The following STK39 variants were observed in gnomAD, a reference collection of about 807,000 sequenced individuals.
STK39 encodes the protein serine/threonine kinase 39.
Under a neutral mutation model 77.8 loss-of-function variants are expected in STK39, and 20 were observed. That is an observed-to-expected ratio of 0.26 (90% confidence interval 0.18 to 0.37). The LOEUF (loss-of-function observed/expected upper bound fraction) is 0.37, where lower values mean the gene tolerates loss of function less well. STK39 is among the 10% of genes least tolerant of loss of function. The pLI, the probability that STK39 is intolerant of heterozygous loss-of-function variation, is 1.00. For missense variants in STK39, 479 were observed against 656.5 expected (o/e 0.73, Z 2.95); for synonymous variants, 246 against 234.1 (o/e 1.05, Z -0.47).
At chr2:168,012,830 C>G in intron 15 of STK39, 128 bp from the exon 16 acceptor site, 1 of 602,562 alleles carries the variant, frequency 1.7e-6, no homozygotes, top group South Asian at 4.8e-5. Flanking sequence ...AATTCAGACT[C>G]TATCAGGAGA....
chr2:168,177,613 G>A (rs995464687), intron 2 of STK39, among the ~76,000 whole-genome samples: 8 of 152,176 alleles, frequency 5.3e-5, no homozygotes, highest in African/African-American at 1.9e-4. Context: ...GTCACCTGGT[G>A]ATAGAGGCTG....
chr2:168,117,318 C>T (rs1306294967), intron 10 of STK39, among the ~76,000 whole-genome samples: 2 of 152,180 alleles, frequency 1.3e-5, no homozygotes, highest in Non-Finnish European at 2.9e-5. Flanking sequence ...CCTCCCCTTG[C>T]ACTCTCACAC....
intron 14 of STK39, among the ~76,000 whole-genome samples, chr2:168,062,347 C>T (rs892129662): frequency 1.3e-4 from 20 of 152,190 alleles, no homozygotes; most frequent in South Asian, 8.3e-4. Flanking sequence ...GAAAGTCAAA[C>T]AAAAAGGGAA....
chr2:168,067,860 G>C (rs1361668779), intron 12 of STK39, among the ~76,000 whole-genome samples: 1 of 152,090 alleles, frequency 6.6e-6, no homozygotes, highest in Non-Finnish European at 1.5e-5. Context: ...TATTAGTCCG[G>C]TTTCATATTG....
At chr2:168,174,934 T>C (rs952537941) in intron 2 of STK39, among the ~76,000 whole-genome samples, 1 of 152,044 alleles carries the variant, frequency 6.6e-6, no homozygotes, top group African/African-American at 2.4e-5. Context: ...AGGCCAACTT[T>C]TACCACTGCT....
chr2:168,016,136 C>T (rs1050383361), intron 15 of STK39, among the ~76,000 whole-genome samples: 1 of 152,128 alleles, frequency 6.6e-6, no homozygotes, highest in Admixed American at 6.5e-5. Context: ...CCATGTTGGC[C>T]AGGCTGATCT....
At chr2:168,214,293 A>G (rs1306703591) in intron 1 of STK39, among the ~76,000 whole-genome samples, 2 of 152,140 alleles carry the variant, frequency 1.3e-5, no homozygotes, top group African/African-American at 4.8e-5. Flanking sequence ...AAGTGGGTAC[A>G]TTTTATCTAC....
intron 1 of STK39, among the ~76,000 whole-genome samples, chr2:168,212,340 C>T (rs1467479778): frequency 6.6e-6 from 1 of 152,084 alleles, no homozygotes; most frequent in Non-Finnish European, 1.5e-5. Flanking sequence ...GGAAAGAGCA[C>T]CGACTTCCTC....
At chr2:168,100,690 C>A (rs1686800431) in intron 10 of STK39, among the ~76,000 whole-genome samples, 1 of 152,144 alleles carries the variant, frequency 6.6e-6, no homozygotes, top group South Asian at 2.1e-4. Flanking sequence ...GGGCTAATAT[C>A]CAGAATCTAC....
Position 168,187,905 on chromosome 2 carries a change from T to C in STK39, c.209-5815A>G, listed in dbSNP as rs143738716. ...TTTTTCAAGGCATCACATTAGCCTG[T>C]AACATTAGTTATGGCCCCTGGAAGG... On this transcript the variant is annotated intron_variant, in intron 1 of 17. Coordinates refer to ENST00000355999, the MANE Select transcript of STK39 (RefSeq NM_013233.3). Among the ~76,000 whole-genome samples, 19 of 152,302 alleles carry C rather than the reference T, an allele frequency of 1.2e-4. No individual in the cohort carries two copies. The South Asian group carries it at 2.1e-3, about 17-fold the overall frequency.
At chr2:168,001,691 C>G (rs746069053) in intron 16 of STK39, among the ~76,000 whole-genome samples, 1 of 152,072 alleles carries the variant, frequency 6.6e-6, no homozygotes, top group Non-Finnish European at 1.5e-5. Flanking sequence ...GCGGTATTAC[C>G]TGTTATATAA....
rs2105539936 is a variant in STK39 at position 168,144,122 on chromosome 2, G to A, written c.629-3364C>T. Among the ~76,000 whole-genome samples the A allele has an allele frequency of 2.0e-5, 3 of 152,264 alleles. No individual in the cohort carries two copies. The South Asian group carries it at 6.2e-4, about 32-fold the overall frequency. ...ACTAAGCCTTGAGGAGGATCTGCAGGTATGGTTATCTGATTTGGAGAGTGG... is the reference window on the plus strand; with the variant it reads ...ACTAAGCCTTGAGGAGGATCTGCAGATATGGTTATCTGATTTGGAGAGTGG... On this transcript the variant is annotated intron_variant, in intron 5 of 17. Transcript: ENST00000355999.
chr2:168,228,218 T>G (rs1236257009), intron 1 of STK39, among the ~76,000 whole-genome samples: 1 of 152,202 alleles, frequency 6.6e-6, no homozygotes, highest in Non-Finnish European at 1.5e-5. Context: ...ATAAAATCAC[T>G]TTTGCCAAGC....
intron 1 of STK39, among the ~76,000 whole-genome samples, chr2:168,233,002 T>G (rs748974788): frequency 3.3e-5 from 5 of 152,164 alleles, no homozygotes; most frequent in African/African-American, 4.8e-5. Flanking sequence ...ATAGATGAAC[T>G]GAGAGGCTCA....
intron 14 of STK39, among the ~76,000 whole-genome samples, chr2:168,029,792 G>A (rs1448729753): frequency 6.6e-6 from 1 of 152,180 alleles, no homozygotes; most frequent in African/African-American, 2.4e-5. Flanking sequence ...GTAGGAAGCA[G>A]AAGTAACATT....
chr2:168,192,455 T>C (rs1359729023), intron 1 of STK39, among the ~76,000 whole-genome samples: 2 of 152,222 alleles, frequency 1.3e-5, no homozygotes, highest in Admixed American at 1.3e-4. Flanking sequence ...ACACAATTCC[T>C]AAAATGATCC....
Position 168,247,544 on chromosome 2 carries a change from C to CCCGTCGCCGCCG in STK39, c.-110_-109insCGGCGGCGACGG. The CCCGTCGCCGCCG allele has an allele frequency of 2.1e-6, 1 of 478,038 alleles. No individual in the cohort carries two copies. Among genetic ancestry groups the CCCGTCGCCGCCG allele is most frequent in the Non-Finnish European group, 2.9e-6 (1 of 348,368 alleles). 29.6% of individuals were successfully genotyped at this position (478,038 alleles called of 1,614,324 possible). On this transcript the variant is annotated 5_prime_UTR_variant, in exon 1 of 18. Transcript: ENST00000355999. ...TCTCGGCCGGCGCACGCCCTCCCCG[C>CCCGTCGCCGCCG]CCGCCGCCGCCGCCGCCGTCCCCGC...
intron 10 of STK39, among the ~76,000 whole-genome samples, chr2:168,119,315 C>T (rs1332984444): frequency 6.6e-6 from 1 of 152,108 alleles, no homozygotes; most frequent in African/African-American, 2.4e-5. Flanking sequence ...CCGTATTTAC[C>T]AAGCTCTAAG....
chr2:168,215,440 A>G (rs546842134), intron 1 of STK39, among the ~76,000 whole-genome samples: 1 of 152,338 alleles, frequency 6.6e-6, no homozygotes, highest in Middle Eastern at 3.4e-3. Context: ...GAATTAGTTC[A>G]GAGAATACAC....
Sources: allele counts gnomAD v4.1 joint callset (sites outside exome capture counted in the v4.1 genomes callset), GRCh38; gene constraint gnomAD v4.1.1; transcripts MANE v1.5; gene names NCBI Gene and HGNC (gene_info 2026-07-23, HGNC 2026-07-21).